The following PCDHAC2 variants were observed in gnomAD, a reference collection of about 807,000 sequenced individuals.
The protein encoded by PCDHAC2 is protocadherin alpha subfamily C, 2.
Under a neutral mutation model 63.3 loss-of-function variants are expected in PCDHAC2, and 24 were observed. The observed-to-expected ratio is 0.38, with a 90% CI of 0.27 to 0.53. The LOEUF (loss-of-function observed/expected upper bound fraction) is 0.53. Among genes scored for constraint, PCDHAC2 ranks in the 20% least tolerant of loss-of-function variants. The pLI is 0.81. For missense variants in PCDHAC2, 1,181 were observed against 1,275.2 expected, an observed-to-expected ratio of 0.93 and a Z score of 1.12; for synonymous variants, 569 against 529.4, an observed-to-expected ratio of 1.07 and a Z score of -1.03.
intron 1 of PCDHAC2, among the ~76,000 whole-genome samples, chr5:140,972,633 T>G (rs1230723429): frequency 6.6e-6 from 1 of 151,644 alleles, no homozygotes; most frequent in Non-Finnish European, 1.5e-5. Context: ...TGGCACTCCC[T>G]TCAGAGTCTC....
At chr5:140,974,827 G>T (rs1356890991) in intron 1 of PCDHAC2, among the ~76,000 whole-genome samples, 1 of 152,182 alleles carries the variant, frequency 6.6e-6, no homozygotes. Context: ...GCAACATAAT[G>T]ATTATTTTAA....
chr5:141,009,595 C>G (rs781807814), intron 3 of PCDHAC2, 32 bp from the exon 4 acceptor site: 1 of 1,604,124 alleles, frequency 6.2e-7, no homozygotes, highest in Non-Finnish European at 8.5e-7. Flanking sequence ...TGTGTTGACC[C>G]TGTTAATGAT....
chr5:140,998,569 GT>G (rs71574497), intron 3 of PCDHAC2, among the ~76,000 whole-genome samples: 30,440 of 149,318 alleles, frequency 0.2, 3,131 homozygotes, highest in Middle Eastern at 0.33. Flanking sequence ...TTGTAAATAA[GT>G]TTTTTTTTTT....
intron 3 of PCDHAC2, among the ~76,000 whole-genome samples, chr5:140,996,330 A>G (rs551945424): frequency 6.6e-6 from 1 of 152,208 alleles, no homozygotes; most frequent in Non-Finnish European, 1.5e-5. Flanking sequence ...TAGAGAAGAA[A>G]AGTTTGAAAA....
intron 3 of PCDHAC2, among the ~76,000 whole-genome samples, chr5:141,001,598 G>C (rs2098027263): frequency 6.6e-6 from 1 of 152,088 alleles, no homozygotes; most frequent in South Asian, 2.1e-4. Flanking sequence ...ACTCAGATTA[G>C]GTTTGCCCAA....
At chr5:141,005,822 C>T (rs1248291613) in intron 3 of PCDHAC2, among the ~76,000 whole-genome samples, 2 of 151,298 alleles carry the variant, frequency 1.3e-5, no homozygotes, top group Non-Finnish European at 2.9e-5. Context: ...GTATGGTGGC[C>T]TGTAGTCCCA....
At position 140,969,075 on chromosome 5, in the gene PCDHAC2, A is replaced by G; in HGVS notation, c.2309A>G (p.His770Arg). Residue 770 changes from histidine (H) to arginine (R), a missense_variant, in exon 1 of 4, where the codon CAT becomes CGT. His to Arg is a conservative substitution (Grantham distance 29). Transcript: ENST00000289269. Reference sequence around the variant, plus strand: ...AACAATATTGATGCCAGGATACCGCATGGCCTCAAAGTGCAGCCTCACTTC... The same window carrying G: ...AACAATATTGATGCCAGGATACCGCGTGGCCTCAAAGTGCAGCCTCACTTC... The part of the protein sequence containing the change: ...ANNNIDARIP[H>R]GLKVQPHFIE... 6.2e-7 allele frequency: 1 copy of G among 1,614,184 alleles called. No individual in the cohort carries two copies. The highest frequency in any genetic ancestry group is 8.5e-7 in the Non-Finnish European group (1 of 1,180,026).
intron 3 of PCDHAC2, among the ~76,000 whole-genome samples, chr5:140,991,067 A>C (rs2097429962): frequency 6.6e-6 from 1 of 152,184 alleles, no homozygotes; most frequent in Admixed American, 6.5e-5. Flanking sequence ...TATTATTCCC[A>C]TGTTTCAGAT....
chr5:141,004,351 G>T (rs547017222), intron 3 of PCDHAC2, among the ~76,000 whole-genome samples: 1 of 152,332 alleles, frequency 6.6e-6, no homozygotes, highest in African/African-American at 2.4e-5. Flanking sequence ...TGAGGGACTG[G>T]AGAGACCACA....
Position 140,980,736 on chromosome 5 carries a change from A to G in PCDHAC2, c.2624+1729A>G, listed in dbSNP as rs1014210313. 6.6e-5 allele frequency among the ~76,000 whole-genome samples: 10 copies of G among 152,312 alleles called. No individual in the cohort carries two copies. The East Asian group carries it at 1.9e-3, about 29-fold the overall frequency. ...TTCGGGTTTCAATTAAGATATTATG[A>G]GATTTGAGTAGGGTAAGAAATAAAA... On this transcript the variant is annotated intron_variant, in intron 2 of 3. Transcript: ENST00000289269.
Position 140,968,866 on chromosome 5 carries a change from A to G in PCDHAC2, c.2100A>G (p.Thr700=). 1 of 1,614,230 alleles carries G rather than the reference A, an allele frequency of 6.2e-7. No homozygotes were observed. Among genetic ancestry groups the G allele is most frequent in the Non-Finnish European group, 8.5e-7 (1 of 1,180,038 alleles). ...DTQRHVKSPR[T]YSEITLYLII... is the part of the protein sequence containing the mutation. ...AGAGGCATGTTAAGAGCCCTCGGAC[A>G]TACTCTGAAATTACCCTTTATCTAA... The change falls in exon 1 of 4, where the codon ACA becomes ACG. Residue 700 remains threonine, a synonymous_variant. Coordinates refer to ENST00000289269, the MANE Select transcript of PCDHAC2 (RefSeq NM_018899.6).
At chr5:140,993,364 T>G (rs1285844193) in intron 3 of PCDHAC2, among the ~76,000 whole-genome samples, 1 of 151,930 alleles carries the variant, frequency 6.6e-6, no homozygotes, top group Non-Finnish European at 1.5e-5. Flanking sequence ...TCACAAAAAC[T>G]ACCTCCCAGC....
intron 3 of PCDHAC2, among the ~76,000 whole-genome samples, chr5:140,985,834 G>T (rs550087572): frequency 1.3e-5 from 2 of 150,860 alleles, no homozygotes; most frequent in South Asian, 4.2e-4. Flanking sequence ...CTGCCTCCCG[G>T]GTTCATGCCA....
At position 140,968,753 on chromosome 5, in the gene PCDHAC2, C is replaced by G; in HGVS notation, c.1987C>G (p.Arg663Gly). The G allele has an allele frequency of 1.2e-6, 2 of 1,614,022 alleles. No individual in the cohort carries two copies. Among genetic ancestry groups the G allele is most frequent in the Non-Finnish European group, 1.7e-6 (2 of 1,180,020 alleles). The change falls in exon 1 of 4, where the codon CGA becomes GGA. Residue 663 changes from arginine to glycine, a missense_variant. Coordinates refer to ENST00000289269, the MANE Select transcript of PCDHAC2 (RefSeq NM_018899.6). ...CACTTTCAACCTGACCGTGGTGGTCCGAGATAATGGAGAGCCATCACTATC... is the reference window on the plus strand; with the variant it reads ...CACTTTCAACCTGACCGTGGTGGTCGGAGATAATGGAGAGCCATCACTATC... ...GSTFNLTVVV[R>G]DNGEPSLSAS...
chr5:141,000,828 G>A (rs1244334845), intron 3 of PCDHAC2, among the ~76,000 whole-genome samples: 2 of 151,966 alleles, frequency 1.3e-5, no homozygotes, highest in African/African-American at 4.8e-5. Flanking sequence ...GATCACTTGA[G>A]TCCAGGAGAT....
At position 140,967,121 on chromosome 5, in the gene PCDHAC2, C is replaced by T; in HGVS notation, c.355C>T (p.Leu119Phe). 1 of 1,612,916 alleles carries T rather than the reference C, an allele frequency of 6.2e-7. No homozygotes were observed. Among genetic ancestry groups the T allele is most frequent in the East Asian group, 2.2e-5 (1 of 44,846 alleles). ...ALCEQRPRCL[L>F]SLEVLAHNPV... ...GTGTGAGCAGCGGCCTCGCTGCCTG[C>T]TCAGCTTGGAAGTGCTGGCGCACAA... The change falls in exon 1 of 4, where the codon CTC becomes TTC. Residue 119 changes from leucine (L) to phenylalanine (F), a missense_variant. Physicochemically the swap from Leu to Phe is conservative, Grantham distance 22. This residue lies in a region of PCDHAC2 where 210 missense variants were observed against 184.9 expected (regional missense o/e 1.14). Coordinates refer to ENST00000289269, the MANE Select transcript of PCDHAC2 (RefSeq NM_018899.6).
chr5:141,003,654 A>G (rs1451170896), intron 3 of PCDHAC2, among the ~76,000 whole-genome samples: 1 of 152,212 alleles, frequency 6.6e-6, no homozygotes, highest in Non-Finnish European at 1.5e-5. Flanking sequence ...ATCTGTATGC[A>G]TTTATTAAAA....
In PCDHAC2 at chr5:140,967,575, C is replaced by T; in HGVS notation, c.809C>T (p.Ser270Leu). Residue 270 changes from serine (S) to leucine (L), a missense_variant, in exon 1 of 4, where the codon TCA (serine) becomes TTA (leucine). Ser to Leu is a moderately radical substitution (Grantham distance 145, BLOSUM62 -2). Coordinates refer to ENST00000289269, the MANE Select transcript of PCDHAC2 (RefSeq NM_018899.6). ...TATCGCGTCCAGCTACGGGAGGACT[C>T]ACCCCCAGGCACATTGGTGGTGAAG... is the stretch of plus-strand genomic sequence containing the variant. ...STYRVQLREDSPPGTLVVKLN... is the reference protein window; with the variant it reads ...STYRVQLREDLPPGTLVVKLN... 1 of 1,614,156 alleles carries T rather than the reference C, an allele frequency of 6.2e-7. No individual in the cohort carries two copies.
chr5:140,989,745 C>A (rs1554251059), intron 3 of PCDHAC2, among the ~76,000 whole-genome samples: 2 of 152,154 alleles, frequency 1.3e-5, no homozygotes, highest in African/African-American at 4.8e-5. Context: ...ATTGCCTAAT[C>A]TGGAGAAACA....
Sources: gnomAD v4.1 joint callset for allele counts (sites outside exome capture counted in the v4.1 genomes callset) on GRCh38, gnomAD v4.1.1 for gene constraint, gnomAD v4.1.1 regional missense constraint, MANE v1.5 for transcripts, NCBI Gene and HGNC (gene_info 2026-07-23, HGNC 2026-07-21) for gene names.